The following LGALS3BP variants were observed in gnomAD, a reference collection of about 807,000 sequenced individuals.
LGALS3BP encodes the protein galectin 3 binding protein.
LGALS3BP carries 25 observed loss-of-function variants against 22.9 expected under a neutral mutation model. The ratio of observed to expected loss-of-function variants is 1.09; its 90% CI spans 0.80 to 1.53. The LOEUF is 1.53. LGALS3BP is among the 40% of genes most tolerant of loss of function. The pLI is 0.00. For missense variants in LGALS3BP, 718 were observed against 752.0 expected (o/e 0.95, Z 0.53); for synonymous variants, 335 against 331.1 (o/e 1.01, Z -0.13).
At chr17:78,979,424 GGGAGGCAT>G (rs986705466) in intron 1 of LGALS3BP, 1 of 152,302 alleles carries the variant, frequency 6.6e-6, no homozygotes, top group Non-Finnish European at 1.5e-5. Context: ...TGTGCAAACA[GGGAGGCAT>G]GACCCCCACT....
In LGALS3BP at chr17:78,977,188, T is replaced by C. The variant is rs2070728351; in HGVS notation, c.4A>G (p.Thr2Ala). Residue 2 changes from threonine (T) to alanine (A), a missense_variant, in exon 2 of 6, where the codon ACC becomes GCC. Physicochemically the swap from Thr to Ala is moderately conservative, Grantham distance 58 (BLOSUM62 0). Transcript: ENST00000262776. MTPPRLFWVWLL... is the reference protein window; with the variant it reads MAPPRLFWVWLL... ...CACACCCAGAAGAGCCTCGGAGGGG[T>C]CATGGCCGTGCCTGGATGCCCAGAT... 3.7e-6 allele frequency: 6 copies of C among 1,612,652 alleles called. No individual in the cohort carries two copies. The South Asian group carries it at 4.4e-5, about 12-fold the overall frequency.
rs112358714 is a variant in LGALS3BP at position 78,975,186 on chromosome 17, T to C, written c.245-367A>G. The stretch of plus-strand genomic sequence containing the variant: ...ATCCCTGCAACATCAGGTTCACATA[T>C]TGTAATTGTGTGACTATCCCTGCAA... On this transcript the variant is annotated intron_variant, in intron 3 of 5. Transcript: ENST00000262776. Among the ~76,000 whole-genome samples the C allele has an allele frequency of 1.3e-3, 198 of 147,426 alleles. 1 individual carries two copies. The highest frequency in any genetic ancestry group is 3.8e-3 in the African/African-American group (153 of 40,490).
Position 78,972,218 on chromosome 17 carries a change from C to G in LGALS3BP, c.1116G>C (p.Leu372=), listed in dbSNP as rs1245969481. The change falls in exon 6 of 6, where the codon CTG becomes CTC. Residue 372 remains leucine, a synonymous_variant. Coordinates refer to ENST00000262776, the MANE Select transcript of LGALS3BP (RefSeq NM_005567.4). The surrounding 1 kb of genome is among the most constrained non-coding windows in gnomAD (Gnocchi z 5.1). The stretch of plus-strand genomic sequence containing the variant: ...GGGCCTGCAGAGTCTTCTTCTGGAA[C>G]AGGGCCTCGTGGCTCCAGTACAGGG... ...NLSLYWSHEA[L]FQKKTLQALE... The G allele has an allele frequency of 1.2e-6, 2 of 1,613,958 alleles. No individual in the cohort carries two copies. The highest frequency in any genetic ancestry group is 1.7e-6 in the Non-Finnish European group (2 of 1,180,024).
In LGALS3BP at chr17:78,973,458, G is replaced by GC; in HGVS notation, c.377-237dup. 1.9e-6 allele frequency: 1 copy of GC among 520,646 alleles called. No individual in the cohort carries two copies. Among genetic ancestry groups the GC allele is most frequent in the African/African-American group, 1.9e-5 (1 of 52,994 alleles). 32.3% of individuals were successfully genotyped at this position (520,646 alleles called of 1,614,324 possible). A position where few individuals can be genotyped will look rare whatever the true frequency, so the allele number is the denominator to read the frequency against. ...CTAGGACCTGGCCAAGCCTGTCCAG[G>GC]CCCCCGCTTTAGGCCCTCTGCTCTG... On this transcript the variant is annotated intron_variant, in intron 4 of 5. Transcript: ENST00000262776. The surrounding 1 kb of genome is among the most constrained non-coding windows in gnomAD (Gnocchi z 5.8).
intron 1 of LGALS3BP, among the ~76,000 whole-genome samples, chr17:78,978,018 C>A (rs374053956): frequency 6.6e-5 from 10 of 152,186 alleles, no homozygotes; most frequent in Non-Finnish European, 1.2e-4. Context: ...CTCCCTCCCC[C>A]ACACCCTGCC....
chr17:78,974,676 GC>G lies in LGALS3BP; in HGVS notation c.376+11del, dbSNP rs769024635. The stretch of plus-strand genomic sequence containing the variant: ...CACTGGGGCCTCCGCAGGGAGGTGC[GC>G]CCCCGCTCACCATTGGTGCAGACCA... On this transcript the variant is annotated intron_variant, in intron 4 of 5. Coordinates refer to ENST00000262776, the MANE Select transcript of LGALS3BP (RefSeq NM_005567.4). 2.5e-6 allele frequency: 4 copies of G among 1,610,788 alleles called. 2 individuals carry two copies. In the South Asian group the frequency reaches 4.4e-5, roughly 18 times the overall value.
chr17:78,976,875 A>G lies in LGALS3BP; in HGVS notation c.52+265T>C, dbSNP rs915473808. ...GGCCCCTGTGACTGCTGGTTTGATC[A>G]GCCCCTCTGGTTCCCTCTGGACGGA... On this transcript the variant is annotated intron_variant, in intron 2 of 5. Transcript: ENST00000262776. The surrounding 1 kb of genome is among the most constrained non-coding windows in gnomAD (Gnocchi z 4.6). 7.8e-6 allele frequency: 4 copies of G among 513,204 alleles called. No homozygotes were observed. The highest frequency in any genetic ancestry group is 7.0e-6 in the Non-Finnish European group (2 of 285,714). The allele number at this position is 513,204 out of a possible 1,614,324, so 31.8% of individuals were successfully genotyped here. A position where few individuals can be genotyped will look rare whatever the true frequency, so the allele number is the denominator to read the frequency against.
chr17:78,973,144 C>A lies in LGALS3BP; in HGVS notation c.455G>T (p.Gly152Val), dbSNP rs1473404501. 1.2e-5 allele frequency: 19 copies of A among 1,611,778 alleles called. No individual in the cohort carries two copies. Among genetic ancestry groups the A allele is most frequent in the Non-Finnish European group, 1.6e-5 (19 of 1,179,442 alleles). Residue 152 changes from glycine to valine, a missense_variant, in exon 5 of 6, where the codon GGC becomes GTC. By Grantham distance (109) the Gly-to-Val change is moderately radical. Coordinates refer to ENST00000262776, the MANE Select transcript of LGALS3BP (RefSeq NM_005567.4). The surrounding 1 kb of genome is among the most constrained non-coding windows in gnomAD (Gnocchi z 5.8). Reference sequence around the variant, plus strand: ...ATTCACGCTGATGGACAGGTCGCAGCCCCGCTGGCTGTCAAAGATCTGGCC... The same window carrying A: ...ATTCACGCTGATGGACAGGTCGCAGACCCGCTGGCTGTCAAAGATCTGGCC... The part of the protein sequence containing the change: ...ALGQIFDSQR[G>V]CDLSISVNVQ...
intron 3 of LGALS3BP, among the ~76,000 whole-genome samples, chr17:78,975,374 GGA>G (rs1291228707): frequency 6.6e-6 from 1 of 152,192 alleles, no homozygotes; most frequent in Non-Finnish European, 1.5e-5. Context: ...TCCCTGGAGT[GGA>G]GTTTCTGGGC....
intron 4 of LGALS3BP, 124 bp downstream of exon 4, chr17:78,974,564 C>T: frequency 8.8e-6 from 10 of 1,142,360 alleles, no homozygotes; most frequent in Non-Finnish European, 1.1e-5. Flanking sequence ...GCGGAGTGGG[C>T]AGGCGGTAGT....
At position 78,973,268 on chromosome 17, in the gene LGALS3BP, A is replaced by C. The variant is rs1268602427; in HGVS notation, c.377-46T>G. ...AGTGGGCTGCGTTAGGAGCCGGGGC[A>C]CTGCCACTCTCTGGGGTCAGTGTCT... On this transcript the variant is annotated intron_variant, in intron 4 of 5. Transcript: ENST00000262776. The surrounding 1 kb of genome is among the most constrained non-coding windows in gnomAD (Gnocchi z 5.8). The C allele has an allele frequency of 6.9e-7, 1 of 1,458,404 alleles. No individual in the cohort carries two copies. Among genetic ancestry groups the C allele is most frequent in the African/African-American group, 1.4e-5 (1 of 70,658 alleles). The allele number at this position is 1,458,404 out of a possible 1,614,324, so 90.3% of individuals were successfully genotyped here. A position where few individuals can be genotyped will look rare whatever the true frequency, so the allele number is the denominator to read the frequency against.
intron 1 of LGALS3BP, among the ~76,000 whole-genome samples, chr17:78,978,974 C>T (rs1262866316): frequency 1.3e-5 from 2 of 151,992 alleles, no homozygotes; most frequent in African/African-American, 4.8e-5. Flanking sequence ...ACTCAGGAGG[C>T]TGAGGCAACA....
intron 1 of LGALS3BP, among the ~76,000 whole-genome samples, chr17:78,977,970 T>G (rs2145825865): frequency 6.6e-6 from 1 of 152,328 alleles, no homozygotes; most frequent in East Asian, 1.9e-4. Flanking sequence ...CTGGTGTTCT[T>G]GCCTCCGTGT....
At chr17:78,978,167 C>A (rs979095860) in intron 1 of LGALS3BP, among the ~76,000 whole-genome samples, 29 of 152,178 alleles carry the variant, frequency 1.9e-4, no homozygotes, top group Admixed American at 1.4e-3. Context: ...GGCCTGGTGA[C>A]CTTGAGGCTG....
At position 78,972,916 on chromosome 17, in the gene LGALS3BP, GGGA is replaced by G; in HGVS notation, c.629+51_629+53del. The stretch of plus-strand genomic sequence containing the variant: ...TGTGGGGGGCTGTGCTTTTGAAGAG[GGGA>G]GGAGGACAAAGCCCCTGGCGGCCCC... On this transcript the variant is annotated intron_variant, in intron 5 of 5. Transcript: ENST00000262776. This position sits in a 1 kb window ranked among gnomAD's most constrained non-coding sequence, Gnocchi z 5.1. 1.9e-6 allele frequency: 3 copies of G among 1,558,954 alleles called. No homozygotes were observed. Among genetic ancestry groups the G allele is most frequent in the Non-Finnish European group, 1.7e-6 (2 of 1,150,836 alleles).
At chr17:78,977,304 A>G in intron 1 of LGALS3BP, 90 bp from the exon 2 acceptor site, 12 of 1,039,026 alleles carry the variant, frequency 1.2e-5, no homozygotes, top group Non-Finnish European at 1.7e-5. Flanking sequence ...CTTCAGCCCA[A>G]CCTGGGCTGT....
At position 78,973,800 on chromosome 17, in the gene LGALS3BP, C is replaced by T. The variant is rs11077405; in HGVS notation, c.377-578G>A. ...AAATGAAATCCCATAGGTTTTTCTT[C>T]GCCACAAATATAGTAGTTTTGAAGT... is the stretch of plus-strand genomic sequence containing the variant. On this transcript the variant is annotated intron_variant, in intron 4 of 5. Coordinates refer to ENST00000262776, the MANE Select transcript of LGALS3BP (RefSeq NM_005567.4). The surrounding 1 kb of genome is among the most constrained non-coding windows in gnomAD (Gnocchi z 5.8). Among the ~76,000 whole-genome samples the T allele has an allele frequency of 0.9, 136,822 of 152,242 alleles. 62,050 individuals carry two copies. Among genetic ancestry groups the T allele is most frequent in the Non-Finnish European group, 0.95 (64,601 of 68,024 alleles).
intron 1 of LGALS3BP, chr17:78,979,393 G>T (rs1025503947): frequency 6.6e-6 from 1 of 152,272 alleles, no homozygotes; most frequent in Non-Finnish European, 1.5e-5. Context: ...CAGGAGCCCT[G>T]GATCCCCAGC....
At position 78,971,962 on chromosome 17, in the gene LGALS3BP, A is replaced by T. The variant is rs772719226; in HGVS notation, c.1372T>A (p.Tyr458Asn). The T allele has an allele frequency of 6.2e-7, 1 of 1,614,078 alleles. No individual in the cohort carries two copies. Among genetic ancestry groups the T allele is most frequent in the Non-Finnish European group, 8.5e-7 (1 of 1,180,002 alleles). ...TGTTGTGGAGTCTGGAAGGACTGGTAGGGGTAGTATCTGTAGTCAGAGGGG... is the reference window on the plus strand; with the variant it reads ...TGTTGTGGAGTCTGGAAGGACTGGTTGGGGTAGTATCTGTAGTCAGAGGGG... ...QAPSDYRYYP[Y>N]QSFQTPQHPS... Residue 458 changes from tyrosine (Y) to asparagine (N), a missense_variant, in exon 6 of 6, where the codon TAC becomes AAC. Coordinates refer to ENST00000262776, the MANE Select transcript of LGALS3BP (RefSeq NM_005567.4). The surrounding 1 kb of genome is among the most constrained non-coding windows in gnomAD (Gnocchi z 5.6).
Sources: allele counts gnomAD v4.1 joint callset (sites outside exome capture counted in the v4.1 genomes callset), GRCh38; gene constraint gnomAD v4.1.1; non-coding constraint Gnocchi (gnomAD v3.1); transcripts MANE v1.5; gene names NCBI Gene and HGNC (gene_info 2026-07-23, HGNC 2026-07-21).